The following DSC1 variants were observed in gnomAD, a reference collection of about 807,000 sequenced individuals.
DSC1 encodes the protein desmocollin 1, also known as desmocollin-1.
A neutral mutation model predicts 98.8 loss-of-function variants in DSC1; 79 were observed. The observed-to-expected ratio is 0.80, with a 90% CI of 0.67 to 0.96. The LOEUF is 0.96. Among genes scored for constraint, DSC1 ranks in the 50% least tolerant of loss-of-function variants. The pLI is 0.00. For missense variants in DSC1, 1,115 were observed against 1,075.9 expected, an observed-to-expected ratio of 1.04 and a Z score of -0.51; for synonymous variants, 405 against 372.1, an observed-to-expected ratio of 1.09 and a Z score of -1.02.
chr18:31,141,384 A>G (rs1018513536), intron 9 of DSC1, among the ~76,000 whole-genome samples: 4 of 152,188 alleles, frequency 2.6e-5, no homozygotes, highest in Non-Finnish European at 4.4e-5. Context: ...GAAATTAATG[A>G]ATGAAGCTAT....
rs1418303611 is a variant in DSC1, at chr18:31,134,575, C to A, written c.1873G>T (p.Asp625Tyr). 4.4e-6 allele frequency: 7 copies of A among 1,606,004 alleles called. No individual in the cohort carries two copies. Among genetic ancestry groups the A allele is most frequent in the Non-Finnish European group, 5.1e-6 (6 of 1,175,062 alleles). ...ASKNWNIEEKDGKTAILRQRQ... is the reference protein window; with the variant it reads ...ASKNWNIEEKYGKTAILRQRQ... ...AAAATTTAGCATGATTACATACCAT[C>A]CTTTTCTTCTATGTTCCAGTTTTTA... The change falls in exon 12 of 16, where the codon GAT becomes TAT. Residue 625 changes from aspartate to tyrosine, a missense_variant. Physicochemically the swap from Asp to Tyr is radical, Grantham distance 160. Coordinates refer to ENST00000257198, the MANE Select transcript of DSC1 (RefSeq NM_024421.2).
intron 6 of DSC1, among the ~76,000 whole-genome samples, chr18:31,147,292 G>A (rs987623656): frequency 9.9e-5 from 15 of 151,832 alleles, no homozygotes; most frequent in South Asian, 2.1e-4. Context: ...TTCAAATTAC[G>A]TACTGTTTCA....
In DSC1 at chr18:31,130,557, T is replaced by C. The variant is rs1223540086; in HGVS notation, c.2642A>G (p.Glu881Gly). 3 of 1,614,184 alleles carry C rather than the reference T, an allele frequency of 1.9e-6. No individual in the cohort carries two copies. In the South Asian group the frequency reaches 3.3e-5, roughly 18 times the overall value. ...EEGLEFLDHL[E>G]PKFRTLAKTC... is the part of the protein sequence containing the mutation. Reference sequence around the variant, plus strand: ...CTTTGCTAATGTCCTAAATTTGGGTTCCAGGTGATCTAGAAACTCCAGTCC... The same window carrying C: ...CTTTGCTAATGTCCTAAATTTGGGTCCCAGGTGATCTAGAAACTCCAGTCC... The change falls in exon 16 of 16, where the codon GAA (glutamate) becomes GGA (glycine). Residue 881 changes from glutamate (E) to glycine (G), a missense_variant. Coordinates refer to ENST00000257198, the MANE Select transcript of DSC1 (RefSeq NM_024421.2).
chr18:31,140,329 C>T, intron 9 of DSC1, 28 bp from the exon 10 acceptor site: 2 of 1,596,706 alleles, frequency 1.3e-6, no homozygotes, highest in Non-Finnish European at 1.7e-6. Context: ...TTTAATAAGT[C>T]AATATATAAC....
At chr18:31,143,938 G>T (rs1228459329) in intron 7 of DSC1, 147 bp from the exon 8 acceptor site, 3 of 567,332 alleles carry the variant, frequency 5.3e-6, no homozygotes, top group Admixed American at 4.3e-5. Context: ...TTGAGATGGG[G>T]TCTCACTGTC....
At chr18:31,132,991 T>C (rs527241229) in intron 13 of DSC1, among the ~76,000 whole-genome samples, 2 of 152,200 alleles carry the variant, frequency 1.3e-5, no homozygotes, top group South Asian at 2.1e-4. Context: ...GTTAAAATCA[T>C]ACAGAACACA....
chr18:31,159,380 A>G, intron 2 of DSC1, 65 bp downstream of exon 2: 19 of 1,545,794 alleles, frequency 1.2e-5, no homozygotes, highest in South Asian at 3.4e-5. Flanking sequence ...CCCAAACTTT[A>G]CAAGAGCAGC....
chr18:31,161,941 C>G (rs1358426318), intron 1 of DSC1, among the ~76,000 whole-genome samples: 1 of 152,126 alleles, frequency 6.6e-6, no homozygotes, highest in African/African-American at 2.4e-5. Context: ...TCTCTTCCCT[C>G]ACCTCCAAAG....
At chr18:31,145,373 G>A (rs1334622098) in intron 7 of DSC1, among the ~76,000 whole-genome samples, 2 of 152,166 alleles carry the variant, frequency 1.3e-5, no homozygotes, top group African/African-American at 2.4e-5. Flanking sequence ...TAAATGTAAA[G>A]CAATTTTATC....
Position 31,148,540 on chromosome 18 carries a change from G to A in DSC1, c.730C>T (p.His244Tyr), listed in dbSNP as rs201618811. 150 of 1,611,376 alleles carry A rather than the reference G, an allele frequency of 9.3e-5. 1 individual carries two copies. Among genetic ancestry groups the A allele is most frequent in the Non-Finnish European group, 1.8e-5 (21 of 1,178,044 alleles). The change falls in exon 6 of 16, where the codon CAC (histidine) becomes TAC (tyrosine). Residue 244 changes from histidine to tyrosine, a missense_variant. Transcript: ENST00000257198. ...GGCACAGTAAAGATAGTCACTCTGT[G>A]TTCAAAATATGGGGCGTTATCATTA... Reference protein sequence around the residue: ...DDNDNAPYFEHRVTIFTVPEN... With the variant: ...DDNDNAPYFEYRVTIFTVPEN...
Position 31,133,960 on chromosome 18 carries a change from C to A in DSC1, c.2047G>T (p.Val683Phe). 6.2e-7 allele frequency: 1 copy of A among 1,613,348 alleles called. No homozygotes were observed. Among genetic ancestry groups the A allele is most frequent in the South Asian group, 1.1e-5 (1 of 91,046 alleles). Residue 683 changes from valine (V) to phenylalanine (F), a missense_variant, in exon 13 of 16, where the codon GTT becomes TTT. By Grantham distance (50) the Val-to-Phe change is conservative. Coordinates refer to ENST00000257198, the MANE Select transcript of DSC1 (RefSeq NM_024421.2). The part of the protein sequence containing the change: ...CRMKDKSTRD[V>F]RPNVILGRWA... The stretch of plus-strand genomic sequence containing the variant: ...CTTCCAAGTATTACATTTGGTCTAA[C>A]GTCTCTTGTACTTTTATCCTTCATT...
intron 5 of DSC1, 151 bp from the exon 6 acceptor site, chr18:31,148,793 C>T: frequency 1.5e-6 from 1 of 680,070 alleles, no homozygotes. Flanking sequence ...AGATAACCCA[C>T]AGATGCAGTC....
intron 1 of DSC1, among the ~76,000 whole-genome samples, chr18:31,161,135 G>A (rs554277492): frequency 1.8e-4 from 27 of 152,172 alleles, no homozygotes; most frequent in African/African-American, 5.8e-4. Context: ...AACCTGTACA[G>A]CATGTTCCTC....
chr18:31,139,014 TTA>T (rs908365125), intron 11 of DSC1, among the ~76,000 whole-genome samples: 1 of 152,008 alleles, frequency 6.6e-6, no homozygotes, highest in African/African-American at 2.4e-5. Flanking sequence ...TTGTATATTT[TTA>T]TGATGTATAC....
In DSC1 at chr18:31,140,118, C is replaced by G; in HGVS notation, c.1444G>C (p.Asp482His). ...HPPVKVIQSQ[D>H]GFPAGQELLG... ...AGTTCTTGGCCAGCTGGGAAGCCATCTTGACTCTGAATAACTTTCACTGGA... is the reference window on the plus strand; with the variant it reads ...AGTTCTTGGCCAGCTGGGAAGCCATGTTGACTCTGAATAACTTTCACTGGA... Residue 482 changes from aspartate to histidine, a missense_variant, in exon 10 of 16, where the codon GAT becomes CAT. Physicochemically the swap from Asp to His is moderately conservative, Grantham distance 81. Transcript: ENST00000257198. 2.5e-6 allele frequency: 4 copies of G among 1,614,030 alleles called. No homozygotes were observed. Among genetic ancestry groups the G allele is most frequent in the Non-Finnish European group, 3.4e-6 (4 of 1,179,938 alleles).
Position 31,154,755 on chromosome 18 carries a change from A to C in DSC1, c.627+19T>G, listed in dbSNP as rs375510872. On this transcript the variant is annotated intron_variant, in intron 5 of 15. Coordinates refer to ENST00000257198, the MANE Select transcript of DSC1 (RefSeq NM_024421.2). ...AGTAATAAAGATATAATTATGAATAAATATTTCAATAATCCTACCGCAAAC... is the reference window on the plus strand; with the variant it reads ...AGTAATAAAGATATAATTATGAATACATATTTCAATAATCCTACCGCAAAC... 6.4e-7 allele frequency: 1 copy of C among 1,571,106 alleles called. No individual in the cohort carries two copies. The highest frequency in any genetic ancestry group is 8.6e-7 in the Non-Finnish European group (1 of 1,157,922).
chr18:31,135,702 GC>G (rs1988596315), intron 11 of DSC1, among the ~76,000 whole-genome samples: 1 of 152,030 alleles, frequency 6.6e-6, no homozygotes, highest in South Asian at 2.1e-4. Context: ...TTAAAATAGT[GC>G]CCATTATTTG....
chr18:31,136,978 C>T (rs1398754489), intron 11 of DSC1, among the ~76,000 whole-genome samples: 5 of 152,084 alleles, frequency 3.3e-5, no homozygotes, highest in Non-Finnish European at 5.9e-5. Flanking sequence ...CATAAGCAAA[C>T]ATCAAGTATA....
intron 11 of DSC1, among the ~76,000 whole-genome samples, chr18:31,135,805 G>T (rs1224755962): frequency 6.6e-6 from 1 of 152,072 alleles, no homozygotes; most frequent in Admixed American, 6.6e-5. Context: ...TATCAAAATT[G>T]AAATAAACAG....
Sources: allele counts gnomAD v4.1 joint callset (sites outside exome capture counted in the v4.1 genomes callset), GRCh38; gene constraint gnomAD v4.1.1; transcripts MANE v1.5; gene names NCBI Gene and HGNC (gene_info 2026-07-23, HGNC 2026-07-21).